Variants in ZNF174 observed in about 807,000 individuals in gnomAD.
The protein encoded by ZNF174 is AW-1.
ZNF174 carries 30 observed loss-of-function variants against 38.7 expected under a neutral mutation model. That is an observed-to-expected ratio of 0.78 (90% CI 0.58 to 1.05). The LOEUF (loss-of-function observed/expected upper bound fraction) is 1.05, where lower values mean the gene tolerates loss of function less well. Ranked by LOEUF, ZNF174 falls within the 50% of genes least tolerant of loss-of-function variation. The pLI, the probability that ZNF174 is intolerant of heterozygous loss-of-function variation, is 0.00. For synonymous variants in ZNF174, 201 were observed against 181.7 expected (o/e 1.11, Z -0.86); for missense variants, 499 against 495.6 (o/e 1.01, Z -0.06).
In ZNF174 at chr16:3,402,321, T is replaced by G; in HGVS notation, c.317T>G (p.Val106Gly). The change falls in exon 1 of 3, where the codon GTC becomes GGC. Residue 106 changes from valine to glycine, a missense_variant. Val to Gly is a moderately radical substitution (Grantham distance 109). Transcript: ENST00000268655. ...TILPPEIQARVRHRCPMSSKE... is the reference protein window; with the variant it reads ...TILPPEIQARGRHRCPMSSKE... ...CTGCCCCCGGAGATCCAGGCTCGGG[T>G]CAGGCATCGATGTCCAATGAGCAGC... 6.2e-7 allele frequency: 1 copy of G among 1,614,062 alleles called. No homozygotes were observed. Among genetic ancestry groups the G allele is most frequent in the Non-Finnish European group, 8.5e-7 (1 of 1,180,016 alleles).
At chr16:3,404,224 G>A (rs111694146) in intron 1 of ZNF174, among the ~76,000 whole-genome samples, 57 of 152,256 alleles carry the variant, frequency 3.7e-4, no homozygotes, top group African/African-American at 1.4e-3. Context: ...GAAGCCACTC[G>A]GCTGATTTGT....
In ZNF174 at chr16:3,404,445, G is replaced by C; in HGVS notation, c.422G>C (p.Gly141Ala). The C allele has an allele frequency of 6.2e-7, 1 of 1,608,540 alleles. No individual in the cohort carries two copies. The highest frequency in any genetic ancestry group is 1.1e-5 in the South Asian group (1 of 90,906). The change falls in exon 2 of 3, where the codon GGG becomes GCG. Residue 141 changes from glycine (G) to alanine (A), a missense_variant. By Grantham distance (60) the Gly-to-Ala change is moderately conservative. Coordinates refer to ENST00000268655, the MANE Select transcript of ZNF174 (RefSeq NM_003450.3). ...PKQWVAVCMQ[G>A]QKVLLEKTGS... is the part of the protein sequence containing the mutation. Reference sequence around the variant, plus strand: ...TCCTAGGTGGCCGTTTGTATGCAGGGGCAAAAGGTGCTCTTGGAGAAAACT... The same window carrying C: ...TCCTAGGTGGCCGTTTGTATGCAGGCGCAAAAGGTGCTCTTGGAGAAAACT...
At chr16:3,405,778 A>G (rs903843169) in intron 2 of ZNF174, among the ~76,000 whole-genome samples, 1 of 152,164 alleles carries the variant, frequency 6.6e-6, no homozygotes, top group African/African-American at 2.4e-5. Context: ...AGGCCAAGGC[A>G]GGCGGATCAC....
rs145657662 is a variant in ZNF174, at chr16:3,404,540, A to G, written c.517A>G (p.Ser173Gly). The stretch of plus-strand genomic sequence containing the variant: ...GACTCCTAGGAGAGATCTCAGGGAG[A>G]GCTCTCCAGCAGAGCCTTCCCAGGC... ...PQTPRRDLRE[S>G]SPAEPSQAGA... is the part of the protein sequence containing the mutation. The change falls in exon 2 of 3, where the codon AGC (serine) becomes GGC (glycine). Residue 173 changes from serine to glycine, a missense_variant. Ser to Gly is a moderately conservative substitution (Grantham distance 56, BLOSUM62 0). Coordinates refer to ENST00000268655, the MANE Select transcript of ZNF174 (RefSeq NM_003450.3). 1.7e-5 allele frequency: 28 copies of G among 1,614,062 alleles called. No individual in the cohort carries two copies. The African/African-American group carries it at 3.1e-4, about 18-fold the overall frequency.
chr16:3,407,663 G>A (rs1361946102), intron 2 of ZNF174, among the ~76,000 whole-genome samples: 3 of 152,174 alleles, frequency 2.0e-5, no homozygotes, highest in Non-Finnish European at 2.9e-5. Context: ...CACATCACAA[G>A]GGATCCTTCT....
chr16:3,404,384 C>T, intron 1 of ZNF174, 42 bp from the exon 2 acceptor site: 1 of 1,537,140 alleles, frequency 6.5e-7, no homozygotes, highest in Non-Finnish European at 8.8e-7. Flanking sequence ...AAGCTTCCCT[C>T]AGTCCTGATG....
Position 3,408,940 on chromosome 16 carries a change from G to A in ZNF174, c.*21G>A. 1 of 1,571,672 alleles carries A rather than the reference G, an allele frequency of 6.4e-7. No homozygotes were observed. The highest frequency in any genetic ancestry group is 1.8e-5 in the Admixed American group (1 of 54,182). ...ACTAAAAGGAGCACTCCATGCTTTA[G>A]ATTCACACGGAAGGTGTTTGTGTTT... On this transcript the variant is annotated 3_prime_UTR_variant, in exon 3 of 3. Transcript: ENST00000268655.
intron 2 of ZNF174, among the ~76,000 whole-genome samples, chr16:3,406,184 C>T (rs1339170492): frequency 6.6e-6 from 1 of 152,118 alleles, no homozygotes; most frequent in Non-Finnish European, 1.5e-5. Flanking sequence ...GTTTTCTGTT[C>T]ATGTTGGTTC....
chr16:3,408,037 A>G (rs1177178487), intron 2 of ZNF174, among the ~76,000 whole-genome samples: 2 of 152,030 alleles, frequency 1.3e-5, no homozygotes, highest in African/African-American at 4.8e-5. Flanking sequence ...GGAGAAAGGA[A>G]GAAGGAGGAT....
At chr16:3,404,823 T>C in intron 2 of ZNF174, 175 bp downstream of exon 2, 1 of 1,570,946 alleles carries the variant, frequency 6.4e-7, no homozygotes, top group Non-Finnish European at 8.7e-7. Flanking sequence ...ATACTACAAG[T>C]AAGTATGTTT....
chr16:3,402,103 T>C lies in ZNF174; in HGVS notation c.99T>C (p.Pro33=). The C allele has an allele frequency of 6.2e-7, 1 of 1,614,092 alleles. No individual in the cohort carries two copies. Among genetic ancestry groups the C allele is most frequent in the Non-Finnish European group, 8.5e-7 (1 of 1,180,000 alleles). ...CCAAACTAGAAGAGAAACGGGGCCC[T>C]CCTCTGCAAAAAAACTGCCCAGATC... ...IIAKLEEKRG[P]PLQKNCPDPE... Residue 33 remains proline, a synonymous_variant, in exon 1 of 3, where the codon CCT becomes CCC. Coordinates refer to ENST00000268655, the MANE Select transcript of ZNF174 (RefSeq NM_003450.3).
Position 3,408,848 on chromosome 16 carries a change from G to A in ZNF174, c.1153G>A (p.Gly385Ser). 1 of 1,614,128 alleles carries A rather than the reference G, an allele frequency of 6.2e-7. No individual in the cohort carries two copies. The highest frequency in any genetic ancestry group is 8.5e-7 in the Non-Finnish European group (1 of 1,180,018). Residue 385 changes from glycine (G) to serine (S), a missense_variant, in exon 3 of 3, where the codon GGC becomes AGC. Physicochemically the swap from Gly to Ser is moderately conservative, Grantham distance 56 (BLOSUM62 0). Transcript: ENST00000268655. ...IHTGEKPYQC[G>S]QCGKSFRQSS... ...CACTGGAGAGAAGCCATACCAGTGTGGCCAGTGTGGGAAAAGCTTTCGCCA... is the reference window on the plus strand; with the variant it reads ...CACTGGAGAGAAGCCATACCAGTGTAGCCAGTGTGGGAAAAGCTTTCGCCA...
intron 2 of ZNF174, among the ~76,000 whole-genome samples, chr16:3,406,680 C>T (rs1356580853): frequency 1.3e-5 from 2 of 151,620 alleles, no homozygotes; most frequent in East Asian, 1.9e-4. Context: ...GATACTAGAC[C>T]CTTATGTGTA....
chr16:3,402,620 G>A (rs1341503980), intron 1 of ZNF174, among the ~76,000 whole-genome samples: 2 of 150,410 alleles, frequency 1.3e-5, no homozygotes, highest in South Asian at 2.1e-4. Context: ...CACCGCGCCC[G>A]GCTAATTTTT....
intron 1 of ZNF174, among the ~76,000 whole-genome samples, chr16:3,403,876 G>A (rs1435119675): frequency 2.0e-5 from 3 of 152,188 alleles, no homozygotes; most frequent in Non-Finnish European, 4.4e-5. Context: ...TCAGACCCCA[G>A]TCAGGACCTA....
In ZNF174 at chr16:3,409,254, A is replaced by G. The variant is rs1429313677; in HGVS notation, c.*335A>G. The G allele has an allele frequency of 3.9e-6, 1 of 258,766 alleles. No homozygotes were observed. Among genetic ancestry groups the G allele is most frequent in the African/African-American group, 2.2e-5 (1 of 45,744 alleles). 16.0% of individuals were successfully genotyped at this position (258,766 alleles called of 1,614,324 possible). ...TCGTCCCTCTGTTGCTTTATCCTCT[A>G]AAATATGTTAAGGGATAAATTCTAT... On this transcript the variant is annotated 3_prime_UTR_variant, in exon 3 of 3. Coordinates refer to ENST00000268655, the MANE Select transcript of ZNF174 (RefSeq NM_003450.3).
At chr16:3,404,817 T>A (rs1207088306) in intron 2 of ZNF174, 169 bp downstream of exon 2, 1 of 1,570,084 alleles carries the variant, frequency 6.4e-7, no homozygotes, top group Non-Finnish European at 8.7e-7. Context: ...GTGGTGATAC[T>A]ACAAGTAAGT....
intron 2 of ZNF174, among the ~76,000 whole-genome samples, chr16:3,406,392 C>T (rs945000553): frequency 7.9e-5 from 12 of 152,220 alleles, no homozygotes; most frequent in Admixed American, 5.9e-4. Flanking sequence ...AAAGCAGCTA[C>T]ACCATTTTAC....
In ZNF174 at chr16:3,401,852, C is replaced by T; in HGVS notation, c.-153C>T. The T allele has an allele frequency of 1.1e-6, 1 of 934,302 alleles. No individual in the cohort carries two copies. The highest frequency in any genetic ancestry group is 1.6e-6 in the Non-Finnish European group (1 of 628,282). 57.9% of individuals were successfully genotyped at this position (934,302 alleles called of 1,614,324 possible). A position where few individuals can be genotyped will look rare whatever the true frequency, so the allele number is the denominator to read the frequency against. On this transcript the variant is annotated 5_prime_UTR_variant, in exon 1 of 3. Transcript: ENST00000268655. ...CTTGAGTTTGGCTAGTAAAGGCTAG[C>T]AAGTGAGGCTTTGTCTCTGCATCCC...
Sources: gnomAD v4.1 joint callset for allele counts (sites outside exome capture counted in the v4.1 genomes callset) on GRCh38, gnomAD v4.1.1 for gene constraint, MANE v1.5 for transcripts, NCBI Gene and HGNC (gene_info 2026-07-23, HGNC 2026-07-21) for gene names.